AJAP1: variants seen among roughly 807,000 people sequenced by gnomAD.
AJAP1 encodes the protein adherens junction-associated protein 1.
AJAP1 carries 5 observed loss-of-function variants against 35.0 expected under a neutral mutation model. The ratio of observed to expected loss-of-function variants is 0.14; its 90% CI spans 0.07 to 0.30. The LOEUF is 0.30. Among genes scored for constraint, AJAP1 ranks in the 10% least tolerant of loss-of-function variants. The pLI is 1.00. For synonymous variants in AJAP1, 284 were observed against 249.3 expected (o/e 1.14, Z -1.31); for missense variants, 586 against 571.0 (o/e 1.03, Z -0.27).
At chr1:4,737,507 G>C (rs550193231) in intron 2 of AJAP1, among the ~76,000 whole-genome samples, 3 of 151,784 alleles carry the variant, frequency 2.0e-5, no homozygotes, top group Non-Finnish European at 4.4e-5. Flanking sequence ...GAAGCCCCCC[G>C]AGATCTGCGA....
chr1:4,706,747 G>T (rs983516195), intron 1 of AJAP1, among the ~76,000 whole-genome samples: 11 of 152,152 alleles, frequency 7.2e-5, no homozygotes, highest in African/African-American at 2.7e-4. Context: ...CCCCTTAATT[G>T]ACAGTGATTT....
At chr1:4,711,609 G>A (rs181613917) in intron 1 of AJAP1, among the ~76,000 whole-genome samples, 311 of 152,320 alleles carry the variant, frequency 2.0e-3, no homozygotes, top group African/African-American at 7.2e-3. Flanking sequence ...TCGCTCGCGT[G>A]AAATGGACTA....
At position 4,720,102 on chromosome 1, in the gene AJAP1, A is replaced by G. The variant is rs1421323190; in HGVS notation, c.829+7403A>G. 1.3e-5 allele frequency among the ~76,000 whole-genome samples: 2 copies of G among 152,204 alleles called. No homozygotes were observed. Among genetic ancestry groups the G allele is most frequent in the African/African-American group, 4.8e-5 (2 of 41,448 alleles). On this transcript the variant is annotated intron_variant, in intron 2 of 5. Transcript: ENST00000378191. The surrounding 1 kb of genome is among the most constrained non-coding windows in gnomAD (Gnocchi z 4.4). ...AAAACATCACCCGCATCTTTGCAGCAGATAAGTTCCAAGTGACGTTTGAGG... is the reference window on the plus strand; with the variant it reads ...AAAACATCACCCGCATCTTTGCAGCGGATAAGTTCCAAGTGACGTTTGAGG...
chr1:4,715,133 G>A (rs1262659512), intron 2 of AJAP1, among the ~76,000 whole-genome samples: 1 of 152,220 alleles, frequency 6.6e-6, no homozygotes, highest in Non-Finnish European at 1.5e-5. Context: ...TTGCTTGGCA[G>A]TCATCAGATG....
chr1:4,725,148 G>A (rs1268713344), intron 2 of AJAP1, among the ~76,000 whole-genome samples: 2 of 152,220 alleles, frequency 1.3e-5, no homozygotes, highest in East Asian at 1.9e-4. Flanking sequence ...GGTGTTGGGT[G>A]CAGACAGCGG....
intron 1 of AJAP1, among the ~76,000 whole-genome samples, chr1:4,666,221 A>G (rs1038230435): frequency 1.3e-5 from 2 of 152,018 alleles, no homozygotes; most frequent in African/African-American, 4.8e-5. Flanking sequence ...GGCACCCCGC[A>G]GTGAAATAGC....
chr1:4,672,979 G>C (rs1639280500), intron 1 of AJAP1, among the ~76,000 whole-genome samples: 1 of 152,182 alleles, frequency 6.6e-6, no homozygotes, highest in Non-Finnish European at 1.5e-5. Context: ...GATCAACACA[G>C]CATCATGGCT....
At chr1:4,682,165 T>C (rs1194889002) in intron 1 of AJAP1, among the ~76,000 whole-genome samples, 1 of 152,170 alleles carries the variant, frequency 6.6e-6, no homozygotes, top group Non-Finnish European at 1.5e-5. Context: ...TCAGAGCTGG[T>C]AAACTTGCAG....
rs1290187096 is a variant in AJAP1, at chr1:4,783,469, G to GTATATA, written c.*985_*986insATATAT. 530 of 111,316 alleles carry GTATATA rather than the reference G, an allele frequency of 4.8e-3. 2 individuals are homozygous for GTATATA. Among genetic ancestry groups the GTATATA allele is most frequent in the South Asian group, 8.1e-3 (23 of 2,828 alleles). The allele number at this position is 111,316 out of a possible 1,614,324, so 6.9% of individuals were successfully genotyped here. On this transcript the variant is annotated 3_prime_UTR_variant, in exon 6 of 6. Transcript: ENST00000378191. Reference sequence around the variant, plus strand: ...GAATGCCAAGGTTTTATATATGTGTGTGTATATATATATATATATATATAT... The same window carrying GTATATA: ...GAATGCCAAGGTTTTATATATGTGTGTATATATGTATATATATATATATATATATAT...
chr1:4,761,445 A>G (rs1056049805), intron 2 of AJAP1, among the ~76,000 whole-genome samples: 10 of 152,234 alleles, frequency 6.6e-5, no homozygotes, highest in Non-Finnish European at 1.3e-4. Flanking sequence ...GTCAGGGGAC[A>G]TGAGTACAAC....
intron 2 of AJAP1, among the ~76,000 whole-genome samples, chr1:4,745,048 C>T (rs1000957368): frequency 2.3e-4 from 35 of 152,274 alleles, no homozygotes; most frequent in African/African-American, 8.2e-4. Flanking sequence ...TCAGACAGAG[C>T]GTCCTTGGAA....
chr1:4,709,760 A>G (rs1275180971), intron 1 of AJAP1, among the ~76,000 whole-genome samples: 1 of 152,182 alleles, frequency 6.6e-6, no homozygotes, highest in Non-Finnish European at 1.5e-5. Flanking sequence ...ACCAGCAGAA[A>G]CACCGTGCTG....
Position 4,712,111 on chromosome 1 carries a change from C to A in AJAP1, c.241C>A (p.Pro81Thr), listed in dbSNP as rs1423882234. The change falls in exon 2 of 6, where the codon CCC becomes ACC. Residue 81 changes from proline to threonine, a missense_variant. Physicochemically the swap from Pro to Thr is conservative, Grantham distance 38. Transcript: ENST00000378191. Reference sequence around the variant, plus strand: ...GCGGGTCCCGGCCCCGGTGTGGAGCCCCCGGCCGCCCCGAGTGGAGCGGAT... The same window carrying A: ...GCGGGTCCCGGCCCCGGTGTGGAGCACCCGGCCGCCCCGAGTGGAGCGGAT... ...PARVPAPVWS[P>T]RPPRVERIHG... 2.0e-6 allele frequency: 3 copies of A among 1,537,590 alleles called. No homozygotes were observed. Among genetic ancestry groups the A allele is most frequent in the Non-Finnish European group, 1.7e-6 (2 of 1,149,714 alleles).
At chr1:4,746,913 G>T (rs879791443) in intron 2 of AJAP1, among the ~76,000 whole-genome samples, 31 of 152,188 alleles carry the variant, frequency 2.0e-4, no homozygotes, top group Non-Finnish European at 3.7e-4. Context: ...TTGTGACCCC[G>T]CACTGCAGGG....
chr1:4,726,812 G>A (rs1336080142), intron 2 of AJAP1, among the ~76,000 whole-genome samples: 1 of 152,090 alleles, frequency 6.6e-6, no homozygotes, highest in South Asian at 2.1e-4. Context: ...TGCTGAGCTC[G>A]GGCCTGGTCT....
chr1:4,683,189 G>T (rs1639527140), intron 1 of AJAP1, among the ~76,000 whole-genome samples: 1 of 152,202 alleles, frequency 6.6e-6, no homozygotes, highest in African/African-American at 2.4e-5. Flanking sequence ...TGTAGAATGG[G>T]GTTAATAGCA....
chr1:4,695,931 T>A (rs1300329067), intron 1 of AJAP1, among the ~76,000 whole-genome samples: 1 of 152,148 alleles, frequency 6.6e-6, no homozygotes, highest in Non-Finnish European at 1.5e-5. Context: ...ATGACATTGC[T>A]GCACCCATTC....
At position 4,787,887 on chromosome 1, in the gene AJAP1, A is replaced by T. The variant is rs1274158613; in HGVS notation, c.*5402A>T. The T allele has an allele frequency of 5.3e-6, 2 of 375,744 alleles. No homozygotes were observed. The highest frequency in any genetic ancestry group is 4.2e-5 in the African/African-American group (2 of 47,590). The allele number at this position is 375,744 out of a possible 1,614,324, so 23.3% of individuals were successfully genotyped here. On this transcript the variant is annotated 3_prime_UTR_variant, in exon 6 of 6. Transcript: ENST00000378191. ...GAGCTCACTTAGTGGCATCCTTCTTAAACAGCATCTGCTTTTAAGTAAGCA... is the reference window on the plus strand; with the variant it reads ...GAGCTCACTTAGTGGCATCCTTCTTTAACAGCATCTGCTTTTAAGTAAGCA...
intron 2 of AJAP1, among the ~76,000 whole-genome samples, chr1:4,731,673 G>A (rs1640798795): frequency 2.6e-5 from 4 of 152,206 alleles, no homozygotes; most frequent in Admixed American, 2.6e-4. Flanking sequence ...CAACAGAGCT[G>A]GCTCATTCCA....
Sources: allele counts gnomAD v4.1 joint callset (sites outside exome capture counted in the v4.1 genomes callset), GRCh38; gene constraint gnomAD v4.1.1; non-coding constraint Gnocchi (gnomAD v3.1); transcripts MANE v1.5; gene names NCBI Gene and HGNC (gene_info 2026-07-23, HGNC 2026-07-21).